Variants in FAM120C observed in about 807,000 individuals in gnomAD.
The protein encoded by FAM120C is family with sequence similarity 120 member C, also known as constitutive coactivator of PPAR-gamma-like protein 2.
Under a neutral mutation model 71.2 loss-of-function variants are expected in FAM120C, and 14 were observed. The observed-to-expected ratio is 0.20, with a 90% CI of 0.13 to 0.31. FAM120C has a LOEUF of 0.31. Among genes scored for constraint, FAM120C ranks in the 10% least tolerant of loss-of-function variants. The pLI is 1.00. For missense variants in FAM120C, 500 were observed against 879.0 expected, an observed-to-expected ratio of 0.57 and a Z score of 5.45; for synonymous variants, 354 against 353.2, an observed-to-expected ratio of 1.00 and a Z score of -0.03.
At chrX:54,144,158 G>A (rs1453151520) in intron 4 of FAM120C, among the ~76,000 whole-genome samples, 2 of 111,390 alleles carry the variant, frequency 1.8e-5, no homozygotes, top group Non-Finnish European at 3.8e-5. Flanking sequence ...TTCATGGGAC[G>A]TTATCTCAAA....
chrX:54,109,615 T>TA (rs1311020135), intron 10 of FAM120C, among the ~76,000 whole-genome samples: 254 of 64,706 alleles, frequency 3.9e-3, no homozygotes, highest in African/African-American at 0.011. Context: ...ACCCTGGCTA[T>TA]AAAAAAAAAA....
At chrX:54,165,911 T>C in intron 1 of FAM120C, among the ~76,000 whole-genome samples, 1 of 111,026 alleles carries the variant, frequency 9.0e-6, no homozygotes, top group Non-Finnish European at 1.9e-5. Context: ...CTCTTGACTA[T>C]ATGAAAATCA....
intron 10 of FAM120C, among the ~76,000 whole-genome samples, chrX:54,105,642 T>C (rs1180094264): frequency 6.3e-5 from 7 of 111,884 alleles, no homozygotes; most frequent in African/African-American, 9.7e-5. Flanking sequence ...GATGACATGA[T>C]TGTATATTTA....
intron 1 of FAM120C, among the ~76,000 whole-genome samples, chrX:54,171,023 G>A (rs1246479268): frequency 8.9e-6 from 1 of 111,876 alleles, no homozygotes; most frequent in Non-Finnish European, 1.9e-5. Flanking sequence ...AAATTTCTAA[G>A]TCTTTGAACT....
rs1468063591 is a variant in FAM120C at position 54,132,555 on chromosome X, C to T, written c.2062+137G>A. On this transcript the variant is annotated intron_variant, in intron 9 of 15. Coordinates refer to ENST00000375180, the MANE Select transcript of FAM120C (RefSeq NM_017848.6). ...ATTGGGGCTTAAGTTAATGTATTCC[C>T]AGTATCAGTATGCATTTTGTTGAAT... The T allele has an allele frequency of 1.1e-5, 5 of 445,499 alleles. No homozygotes were observed. In the African/African-American group the frequency reaches 1.3e-4, roughly 11 times the overall value. The allele number at this position is 445,499 out of a possible 1,213,427, so 36.7% of individuals were successfully genotyped here. A position where few individuals can be genotyped will look rare whatever the true frequency, so the allele number is the denominator to read the frequency against.
chrX:54,118,328 A>G (rs1557127003), intron 9 of FAM120C, among the ~76,000 whole-genome samples: 1 of 110,499 alleles, frequency 9.0e-6, no homozygotes, highest in Non-Finnish European at 1.9e-5. Flanking sequence ...GCTGAGTAAT[A>G]TTCCATGGCA....
chrX:54,091,787 G>T (rs1230275996), intron 10 of FAM120C, among the ~76,000 whole-genome samples: 2 of 111,773 alleles, frequency 1.8e-5, no homozygotes, highest in Admixed American at 1.9e-4. Context: ...ACAAAAGGTG[G>T]GGAAAGGATG....
rs1557120269 is a variant in FAM120C at position 54,073,240 on chromosome X, C to T, written c.3084G>A (p.Arg1028=). 1 of 1,208,629 alleles carries T rather than the reference C, an allele frequency of 8.3e-7. No homozygotes were observed. ...TGTTTCCATTTACCTGGGAGCGAGA[C>T]CGACCTTGATGAAGCTCCAGGGATT... ...VSKSLELHQG[R]SRSQVNGNSG... Residue 1028 remains arginine, a synonymous_variant, in exon 16 of 16, where the codon CGG becomes CGA. Coordinates refer to ENST00000375180, the MANE Select transcript of FAM120C (RefSeq NM_017848.6).
chrX:54,075,850 C>T (rs1445102927), intron 15 of FAM120C, among the ~76,000 whole-genome samples: 1 of 109,361 alleles, frequency 9.1e-6, no homozygotes, highest in Non-Finnish European at 1.9e-5. Context: ...TGTGGTAGCT[C>T]ACGCCTGTAA....
intron 13 of FAM120C, among the ~76,000 whole-genome samples, chrX:54,083,143 C>T (rs1449919677): frequency 1.8e-5 from 2 of 108,617 alleles, no homozygotes; most frequent in African/African-American, 3.3e-5. Flanking sequence ...AAAGCAAGAA[C>T]AGCAACAATT....
In FAM120C at chrX:54,072,814, G is replaced by A; in HGVS notation, c.*219C>T. ...TTTGAGACTAGGACCTAGTCTTACT[G>A]CCATTCATCTTTGACCAGAACTTCT... On this transcript the variant is annotated 3_prime_UTR_variant, in exon 16 of 16. Coordinates refer to ENST00000375180, the MANE Select transcript of FAM120C (RefSeq NM_017848.6). 2.6e-6 allele frequency: 1 copy of A among 378,199 alleles called. No individual in the cohort carries two copies. The highest frequency in any genetic ancestry group is 4.5e-6 in the Non-Finnish European group (1 of 220,318). 31.2% of individuals were successfully genotyped at this position (378,199 alleles called of 1,213,427 possible). A position where few individuals can be genotyped will look rare whatever the true frequency, so the allele number is the denominator to read the frequency against.
chrX:54,069,743 A>G lies in FAM120C; in HGVS notation c.*3290T>C, dbSNP rs1460342743. On this transcript the variant is annotated 3_prime_UTR_variant, in exon 16 of 16. Coordinates refer to ENST00000375180, the MANE Select transcript of FAM120C (RefSeq NM_017848.6). ...GCGAGTACCAATTCTTGGGCTTTAA[A>G]GTCTACCCAAAGTCCTACTGGCTCA... 1 of 112,056 alleles carries G rather than the reference A, an allele frequency of 8.9e-6. No homozygotes were observed. The highest frequency in any genetic ancestry group is 1.9e-5 in the Non-Finnish European group (1 of 53,232). The allele number at this position is 112,056 out of a possible 1,213,427, so 9.2% of individuals were successfully genotyped here.
Position 54,151,106 on chromosome X carries a change from T to C in FAM120C, c.1158+139A>G. The C allele has an allele frequency of 7.3e-6, 5 of 685,544 alleles. No homozygotes were observed. The South Asian group carries it at 7.9e-5, about 11-fold the overall frequency. 56.5% of individuals were successfully genotyped at this position (685,544 alleles called of 1,213,427 possible). On this transcript the variant is annotated intron_variant, in intron 4 of 15. Coordinates refer to ENST00000375180, the MANE Select transcript of FAM120C (RefSeq NM_017848.6). ...TGTGTAATGTTTTTTAAAGGAAATT[T>C]TGGAGCTCTCATTTGTAAGCATGGA...
rs1434921218 is a variant in FAM120C, at chrX:54,183,192, C to T, written c.7G>A (p.Val3Ile). The part of the protein sequence containing the change: MG[V>I]QGFQEFLEKR... ...TCCAGGAACTCTTGGAAGCCCTGGA[C>T]ACCCATGCTTCGTCGGTGGGCAGAC... The change falls in exon 1 of 16, where the codon GTC becomes ATC. Residue 3 changes from valine to isoleucine, a missense_variant. By Grantham distance (29) the Val-to-Ile change is conservative (BLOSUM62 3). Around this residue, in one of 11 missense-constraint regions of FAM120C, gnomAD observed 12 missense variants for 30.3 expected, o/e 0.40. Transcript: ENST00000375180. The T allele has an allele frequency of 1.8e-6, 2 of 1,116,338 alleles. No individual in the cohort carries two copies. Among genetic ancestry groups the T allele is most frequent in the African/African-American group, 3.8e-5 (2 of 52,668 alleles). The allele number at this position is 1,116,338 out of a possible 1,213,427, so 92.0% of individuals were successfully genotyped here. A position where few individuals can be genotyped will look rare whatever the true frequency, so the allele number is the denominator to read the frequency against.
At chrX:54,125,133 C>T (rs946937608) in intron 9 of FAM120C, among the ~76,000 whole-genome samples, 23 of 106,702 alleles carry the variant, frequency 2.2e-4, no homozygotes, top group Non-Finnish European at 3.3e-4. Context: ...TGCTTGAGCC[C>T]GGGAGGCAGA....
In FAM120C at chrX:54,178,575, T is replaced by A. The variant is rs143172140; in HGVS notation, c.699+3925A>T. 5.1e-3 allele frequency among the ~76,000 whole-genome samples: 572 copies of A among 112,171 alleles called. 2 individuals carry two copies. Among genetic ancestry groups the A allele is most frequent in the African/African-American group, 0.018 (560 of 30,941 alleles). On this transcript the variant is annotated intron_variant, in intron 1 of 15. Transcript: ENST00000375180. ...CAACTGTAAAATGGGGAGAATACCA[T>A]GCACCTTGCAAGCTCTTGAGGATTA... is the stretch of plus-strand genomic sequence containing the variant.
rs1464677705 is a variant in FAM120C at position 54,183,084 on chromosome X, A to C, written c.115T>G (p.Leu39Val). ...TVSRQQQQQH[L>V]HRQLPPTAAL... ...GCAGTCGGCGGCAGCTGGCGGTGCA[A>C]GTGCTGCTGCTGCTGCTGGCGCGAG... The change falls in exon 1 of 16, where the codon TTG (leucine) becomes GTG (valine). Residue 39 changes from leucine (L) to valine (V), a missense_variant. This residue lies in a region of FAM120C where 79 missense variants were observed against 78.3 expected (regional missense o/e 1.01). Coordinates refer to ENST00000375180, the MANE Select transcript of FAM120C (RefSeq NM_017848.6). 2 of 1,156,659 alleles carry C rather than the reference A, an allele frequency of 1.7e-6. No homozygotes were observed. The highest frequency in any genetic ancestry group is 5.2e-5 in the Admixed American group (2 of 38,620).
At chrX:54,132,988 G>A (rs1479750387) in intron 8 of FAM120C, 125 bp from the exon 9 acceptor site, 1 of 481,899 alleles carries the variant, frequency 2.1e-6, no homozygotes, top group Admixed American at 5.3e-5. Context: ...TATTTAGACA[G>A]TTTCATACTA....
intron 1 of FAM120C, among the ~76,000 whole-genome samples, chrX:54,176,469 A>G (rs1330170440): frequency 9.2e-6 from 1 of 108,802 alleles, no homozygotes; most frequent in Non-Finnish European, 1.9e-5. Context: ...AATCTGTCAT[A>G]GGAGTAGAGG....
Sources: allele counts gnomAD v4.1 joint callset (sites outside exome capture counted in the v4.1 genomes callset), GRCh38; gene constraint gnomAD v4.1.1; regional missense constraint gnomAD v4.1.1; transcripts MANE v1.5; gene names NCBI Gene and HGNC (gene_info 2026-07-23, HGNC 2026-07-21).